INA: variants seen among roughly 807,000 people sequenced by gnomAD.
The protein encoded by INA is alpha-internexin.
Under a neutral mutation model 40.1 loss-of-function variants are expected in INA, and 35 were observed. The ratio of observed to expected loss-of-function variants is 0.87; its 90% CI spans 0.67 to 1.16. The LOEUF (loss-of-function observed/expected upper bound fraction) is 1.16. INA is among the 50% of genes most tolerant of loss of function. INA has a pLI of 0.00. For missense variants in INA, 594 were observed against 686.7 expected (o/e 0.87, Z 1.51); for synonymous variants, 290 against 316.9 (o/e 0.92, Z 0.90).
At chr10:103,283,498 G>C (rs1002040146) in intron 1 of INA, among the ~76,000 whole-genome samples, 3 of 152,212 alleles carry the variant, frequency 2.0e-5, no homozygotes, top group African/African-American at 4.8e-5. Flanking sequence ...CCTACTGACT[G>C]TCATTCCTTG....
In INA at chr10:103,278,438, A is replaced by C. The variant is rs2093065971; in HGVS notation, c.1065+162A>C. 6.6e-6 allele frequency among the ~76,000 whole-genome samples: 1 copy of C among 152,204 alleles called. No homozygotes were observed. The highest frequency in any genetic ancestry group is 1.5e-5 in the Non-Finnish European group (1 of 68,036). On this transcript the variant is annotated intron_variant, in intron 1 of 2. Coordinates refer to ENST00000369849, the MANE Select transcript of INA (RefSeq NM_032727.4). The surrounding 1 kb of genome is among the most constrained non-coding windows in gnomAD (Gnocchi z 4.9). ...GTTAACAAAAAACCCTGGAGTCTTT[A>C]ATGTTAATTTTAGGGAACGCCCCTC...
intron 1 of INA, chr10:103,280,753 T>G (rs1442269464): frequency 1.1e-5 from 11 of 985,420 alleles, no homozygotes; most frequent in Non-Finnish European, 1.3e-5. Flanking sequence ...GAGAAGAGAT[T>G]AGGAAGAGCT....
Position 103,277,649 on chromosome 10 carries a change from G to C in INA, c.438G>C (p.Glu146Asp), listed in dbSNP as rs2093062700. 1 of 1,405,888 alleles carries C rather than the reference G, an allele frequency of 7.1e-7. No homozygotes were observed. Among genetic ancestry groups the C allele is most frequent in the Non-Finnish European group, 9.2e-7 (1 of 1,086,944 alleles). The allele number at this position is 1,405,888 out of a possible 1,614,324, so 87.1% of individuals were successfully genotyped here. A position where few individuals can be genotyped will look rare whatever the true frequency, so the allele number is the denominator to read the frequency against. Residue 146 changes from glutamate (E) to aspartate (D), a missense_variant, in exon 1 of 3, where the codon GAG becomes GAC. Around this residue, in one of 2 missense-constraint regions of INA, gnomAD observed 379 missense variants for 496.1 expected, o/e 0.76. Transcript: ENST00000369849. The surrounding 1 kb of genome is among the most constrained non-coding windows in gnomAD (Gnocchi z 5.6). ...PSRVGELFQR[E>D]LRDLRAQLEE... ...GCGTCGGCGAGCTCTTCCAGCGCGAGCTGCGCGACCTGCGCGCGCAGCTGG... is the reference window on the plus strand; with the variant it reads ...GCGTCGGCGAGCTCTTCCAGCGCGACCTGCGCGACCTGCGCGCGCAGCTGG...
chr10:103,280,715 A>T (rs2093070788), intron 1 of INA: 1 of 985,350 alleles, frequency 1.0e-6, no homozygotes, highest in Non-Finnish European at 1.2e-6. Flanking sequence ...AGTACACAAT[A>T]GTGGATGAGA....
rs1397704238 is a variant in INA, at chr10:103,289,263, A to C, written c.*594A>C. On this transcript the variant is annotated 3_prime_UTR_variant, in exon 3 of 3. Coordinates refer to ENST00000369849, the MANE Select transcript of INA (RefSeq NM_032727.4). Reference sequence around the variant, plus strand: ...TTTAAACACATTTTGGTTCTTCTCAAAAGAACTTACCCCCATTCGCGCTCT... The same window carrying C: ...TTTAAACACATTTTGGTTCTTCTCACAAGAACTTACCCCCATTCGCGCTCT... The C allele has an allele frequency of 2.6e-5, 4 of 152,662 alleles. No homozygotes were observed. The highest frequency in any genetic ancestry group is 1.3e-4 in the Admixed American group (2 of 15,272). The allele number at this position is 152,662 out of a possible 1,614,324, so 9.5% of individuals were successfully genotyped here.
At position 103,277,704 on chromosome 10, in the gene INA, C is replaced by T. The variant is rs988781160; in HGVS notation, c.493C>T (p.Leu165=). 2 of 1,388,170 alleles carry T rather than the reference C, an allele frequency of 1.4e-6. No individual in the cohort carries two copies. Among genetic ancestry groups the T allele is most frequent in the African/African-American group, 1.5e-5 (1 of 65,246 alleles). 86.0% of individuals were successfully genotyped at this position (1,388,170 alleles called of 1,614,324 possible). A position where few individuals can be genotyped will look rare whatever the true frequency, so the allele number is the denominator to read the frequency against. ...GGCCAGCTCGGCTCGCTCGCAGGCCCTGCTGGAGCGCGACGGGCTGGCGGA... is the reference window on the plus strand; with the variant it reads ...GGCCAGCTCGGCTCGCTCGCAGGCCTTGCTGGAGCGCGACGGGCTGGCGGA... ...EEASSARSQA[L]LERDGLAEEV... The change falls in exon 1 of 3, where the codon CTG becomes TTG. Residue 165 remains leucine (L), a synonymous_variant. Coordinates refer to ENST00000369849, the MANE Select transcript of INA (RefSeq NM_032727.4). The surrounding 1 kb of genome is among the most constrained non-coding windows in gnomAD (Gnocchi z 5.6).
rs1305058778 is a variant in INA, at chr10:103,288,521, A to T, written c.1352A>T (p.Glu451Val). Residue 451 changes from glutamate to valine, a missense_variant, in exon 3 of 3, where the codon GAG becomes GTG. By Grantham distance (121) the Glu-to-Val change is moderately radical (BLOSUM62 -2). This residue lies in a region of INA where 379 missense variants were observed against 496.1 expected (regional missense o/e 0.76). Coordinates refer to ENST00000369849, the MANE Select transcript of INA (RefSeq NM_032727.4). ...STGLSLKKEEEEEEASKVASK... is the reference protein window; with the variant it reads ...STGLSLKKEEVEEEASKVASK... ...GGGCTATCACTTAAGAAAGAGGAGG[A>T]GGAGGAGGAGGCATCTAAGGTAGCC... 1 of 1,613,920 alleles carries T rather than the reference A, an allele frequency of 6.2e-7. No homozygotes were observed. The highest frequency in any genetic ancestry group is 8.5e-7 in the Non-Finnish European group (1 of 1,180,002).
In INA at chr10:103,277,521, C is replaced by T. The variant is rs756900391; in HGVS notation, c.310C>T (p.Arg104Cys). The change falls in exon 1 of 3, where the codon CGC (arginine) becomes TGC (cysteine). Residue 104 changes from arginine (R) to cysteine (C), a missense_variant. By Grantham distance (180) the Arg-to-Cys change is radical. This residue lies in a region of INA where 215 missense variants were observed against 190.6 expected (regional missense o/e 1.13). Coordinates refer to ENST00000369849, the MANE Select transcript of INA (RefSeq NM_032727.4). The surrounding 1 kb of genome is among the most constrained non-coding windows in gnomAD (Gnocchi z 5.6). Reference protein sequence around the residue: ...EKEQLQGLNDRFAVFIEKVHQ... With the variant: ...EKEQLQGLNDCFAVFIEKVHQ... The stretch of plus-strand genomic sequence containing the variant: ...GGAGCAGCTGCAGGGCCTCAACGAC[C>T]GCTTCGCCGTGTTCATCGAGAAGGT... 6.3e-7 allele frequency: 1 copy of T among 1,586,880 alleles called. No homozygotes were observed. Among genetic ancestry groups the T allele is most frequent in the Non-Finnish European group, 8.5e-7 (1 of 1,170,332 alleles).
intron 1 of INA, chr10:103,279,903 T>A: frequency 7.8e-7 from 1 of 1,281,556 alleles, no homozygotes; most frequent in African/African-American, 1.5e-5. Flanking sequence ...CCTGAATTAA[T>A]CACATTTGGC....
intron 1 of INA, among the ~76,000 whole-genome samples, chr10:103,284,065 G>A (rs1340758918): frequency 2.0e-5 from 3 of 150,794 alleles, no homozygotes; most frequent in African/African-American, 4.9e-5. Flanking sequence ...CACCATGCCC[G>A]GCCCTGCATG....
rs958016892 is a variant in INA, at chr10:103,277,295, C to A, written c.84C>A (p.Arg28=). 5 of 1,590,806 alleles carry A rather than the reference C, an allele frequency of 3.1e-6. No homozygotes were observed. Among genetic ancestry groups the A allele is most frequent in the Non-Finnish European group, 4.3e-6 (5 of 1,172,590 alleles). The change falls in exon 1 of 3, where the codon CGC becomes CGA. Residue 28 remains arginine, a synonymous_variant. Coordinates refer to ENST00000369849, the MANE Select transcript of INA (RefSeq NM_032727.4). This position sits in a 1 kb window ranked among gnomAD's most constrained non-coding sequence, Gnocchi z 5.6. The stretch of plus-strand genomic sequence containing the variant: ...GGGATGGCTCTCGCCTGTCCGCCCG[C>A]CTCTCTGGGGCCGGCGGCGCGGGCG... ...VFGDGSRLSA[R]LSGAGGAGGF...
chr10:103,284,409 T>C (rs2093080265), intron 1 of INA, among the ~76,000 whole-genome samples: 1 of 152,184 alleles, frequency 6.6e-6, no homozygotes. Context: ...ACTGCCAAAG[T>C]TGTAAAACTC....
chr10:103,279,798 GT>G (rs1457962576), intron 1 of INA: 1 of 437,796 alleles, frequency 2.3e-6, no homozygotes, highest in East Asian at 7.4e-5. Context: ...GTTTAGGTTA[GT>G]TTGGTATTGC....
intron 1 of INA, chr10:103,280,358 C>A (rs2093070024): frequency 1.0e-6 from 1 of 985,422 alleles, no homozygotes; most frequent in African/African-American, 1.7e-5. Context: ...ACCTGCAGAT[C>A]CTAACGGCCT....
rs772560394 is a variant in INA, at chr10:103,277,294, G to C, written c.83G>C (p.Arg28Pro). ...GGGGATGGCTCTCGCCTGTCCGCCC[G>C]CCTCTCTGGGGCCGGCGGCGCGGGC... ...VFGDGSRLSA[R>P]LSGAGGAGGF... Residue 28 changes from arginine (R) to proline (P), a missense_variant, in exon 1 of 3, where the codon CGC (arginine) becomes CCC (proline). By Grantham distance (103) the Arg-to-Pro change is moderately radical. Around this residue, in one of 2 missense-constraint regions of INA, gnomAD observed 215 missense variants for 190.6 expected, o/e 1.13. Coordinates refer to ENST00000369849, the MANE Select transcript of INA (RefSeq NM_032727.4). The surrounding 1 kb of genome is among the most constrained non-coding windows in gnomAD (Gnocchi z 5.6). 1 of 1,590,306 alleles carries C rather than the reference G, an allele frequency of 6.3e-7. No homozygotes were observed. Among genetic ancestry groups the C allele is most frequent in the Admixed American group, 1.7e-5 (1 of 58,468 alleles).
Position 103,288,583 on chromosome 10 carries a change from G to T in INA, c.1414G>T (p.Glu472Ter). 6.2e-7 allele frequency: 1 copy of T among 1,613,378 alleles called. No individual in the cohort carries two copies. ...KTSQIGESFEEILEETVISTK... is the reference protein window; with the variant it reads ...KTSQIGESFE ...CTCCCAGATAGGGGAAAGTTTTGAA[G>T]AAATATTAGAGGAGACAGTAATATC... is the stretch of plus-strand genomic sequence containing the variant. Residue 472 changes from glutamate to a stop codon, truncating the protein, a stop_gained, in exon 3 of 3, where the codon GAA becomes TAA. Transcript: ENST00000369849. LOFTEE classifies it high-confidence loss of function.
chr10:103,288,591 A>G lies in INA; in HGVS notation c.1422A>G (p.Leu474=). The change falls in exon 3 of 3, where the codon TTA becomes TTG. Residue 474 remains leucine, a synonymous_variant. Transcript: ENST00000369849. ...SQIGESFEEI[L]EETVISTKKT... is the part of the protein sequence containing the mutation. ...TAGGGGAAAGTTTTGAAGAAATATTAGAGGAGACAGTAATATCTACTAAGA... is the reference window on the plus strand; with the variant it reads ...TAGGGGAAAGTTTTGAAGAAATATTGGAGGAGACAGTAATATCTACTAAGA... 1 of 1,613,082 alleles carries G rather than the reference A, an allele frequency of 6.2e-7. No homozygotes were observed. The highest frequency in any genetic ancestry group is 1.1e-5 in the South Asian group (1 of 91,026).
rs1402202491 is a variant in INA at position 103,277,194 on chromosome 10, G to T, written c.-18G>T. ...TAGCTCGCGTTGAAGCCGCACGTCC[G>T]GCCCCGATCCCGGCACCATGAGCTT... On this transcript the variant is annotated 5_prime_UTR_variant, in exon 1 of 3. Transcript: ENST00000369849. This position sits in a 1 kb window ranked among gnomAD's most constrained non-coding sequence, Gnocchi z 5.6. 1 of 1,563,814 alleles carries T rather than the reference G, an allele frequency of 6.4e-7. No homozygotes were observed. The highest frequency in any genetic ancestry group is 8.6e-7 in the Non-Finnish European group (1 of 1,160,326).
In INA at chr10:103,288,587, T is replaced by G; in HGVS notation, c.1418T>G (p.Ile473Arg). 6.2e-7 allele frequency: 1 copy of G among 1,613,220 alleles called. No individual in the cohort carries two copies. The highest frequency in any genetic ancestry group is 8.5e-7 in the Non-Finnish European group (1 of 1,179,474). Reference sequence around the variant, plus strand: ...CAGATAGGGGAAAGTTTTGAAGAAATATTAGAGGAGACAGTAATATCTACT... The same window carrying G: ...CAGATAGGGGAAAGTTTTGAAGAAAGATTAGAGGAGACAGTAATATCTACT... The part of the protein sequence containing the change: ...TSQIGESFEE[I>R]LEETVISTKK... Residue 473 changes from isoleucine to arginine, a missense_variant, in exon 3 of 3, where the codon ATA becomes AGA. Physicochemically the swap from Ile to Arg is moderately conservative, Grantham distance 97. Coordinates refer to ENST00000369849, the MANE Select transcript of INA (RefSeq NM_032727.4).
Sources: gnomAD v4.1 joint callset for allele counts (sites outside exome capture counted in the v4.1 genomes callset) on GRCh38, gnomAD v4.1.1 for gene constraint, gnomAD v4.1.1 regional missense constraint, Gnocchi (gnomAD v3.1) non-coding constraint, MANE v1.5 for transcripts, NCBI Gene and HGNC (gene_info 2026-07-23, HGNC 2026-07-21) for gene names.